EYA4: variants seen among roughly 807,000 people sequenced by gnomAD.
EYA4 encodes protein phosphatase EYA4.
Under a neutral mutation model 87.9 loss-of-function variants are expected in EYA4, and 31 were observed. The ratio of observed to expected loss-of-function variants is 0.35; its 90% CI spans 0.27 to 0.48. The LOEUF (loss-of-function observed/expected upper bound fraction) is 0.48. Ranked by LOEUF, EYA4 falls within the 20% of genes least tolerant of loss-of-function variation. The pLI is 0.99. For missense variants in EYA4, 678 were observed against 761.4 expected, an observed-to-expected ratio of 0.89 and a Z score of 1.29; for synonymous variants, 263 against 270.6, an observed-to-expected ratio of 0.97 and a Z score of 0.28.
rs778888895 is a variant in EYA4, at chr6:133,483,108, A to G, written c.1184A>G (p.Tyr395Cys). Reference sequence around the variant, plus strand: ...CTCACCGGGTCTTATGCACAGAAGTATGGCAAGGTAAGAAATCAAGAAATG... The same window carrying G: ...CTCACCGGGTCTTATGCACAGAAGTGTGGCAAGGTAAGAAATCAAGAAATG... ...SLLTGSYAQK[Y>C]GKDPPMAVTL... is the part of the protein sequence containing the mutation. Residue 395 changes from tyrosine (Y) to cysteine (C), a missense_variant, in exon 13 of 20, where the codon TAT (tyrosine) becomes TGT (cysteine). Coordinates refer to ENST00000355286, the MANE Select transcript of EYA4 (RefSeq NM_004100.5). 4 of 1,609,618 alleles carry G rather than the reference A, an allele frequency of 2.5e-6. No homozygotes were observed. Among genetic ancestry groups the G allele is most frequent in the Non-Finnish European group, 2.6e-6 (3 of 1,176,298 alleles).
intron 10 of EYA4, 48 bp downstream of exon 10, chr6:133,464,906 T>G: frequency 7.7e-7 from 1 of 1,299,374 alleles, no homozygotes; most frequent in Non-Finnish European, 1.1e-6. Context: ...TTTCAGATTT[T>G]TGAAGAGTAC....
chr6:133,531,089 A>C lies in EYA4; in HGVS notation c.*2284A>C. ...TCATATCAAACAAGCAAGGCTTTTTATGCTGCTAAGTCTGTGGGTGCAGAA... is the reference window on the plus strand; with the variant it reads ...TCATATCAAACAAGCAAGGCTTTTTCTGCTGCTAAGTCTGTGGGTGCAGAA... On this transcript the variant is annotated 3_prime_UTR_variant, in exon 20 of 20. Transcript: ENST00000355286. 2 of 1,423,254 alleles carry C rather than the reference A, an allele frequency of 1.4e-6. No homozygotes were observed. 88.2% of individuals were successfully genotyped at this position (1,423,254 alleles called of 1,614,324 possible). A position where few individuals can be genotyped will look rare whatever the true frequency, so the allele number is the denominator to read the frequency against.
At chr6:133,349,213 A>G (rs9389068) in intron 2 of EYA4, among the ~76,000 whole-genome samples, 4,669 of 152,176 alleles carry the variant, frequency 0.031, 175 homozygotes, top group East Asian at 0.2. Flanking sequence ...TTCCCTGACT[A>G]CCCATTTTAT....
chr6:133,377,229 ATTATT>A (rs1225795325), intron 2 of EYA4, among the ~76,000 whole-genome samples: 2 of 152,054 alleles, frequency 1.3e-5, no homozygotes, highest in African/African-American at 4.8e-5. Context: ...AACAGGAGAA[ATTATT>A]TTATTTAACA....
chr6:133,486,312 G>A (rs1249272849), intron 13 of EYA4, among the ~76,000 whole-genome samples: 1 of 151,856 alleles, frequency 6.6e-6, no homozygotes, highest in African/African-American at 2.4e-5. Context: ...TAATATCTTG[G>A]CATATTGAGA....
In EYA4 at chr6:133,525,865, T is replaced by C. The variant is rs563344511; in HGVS notation, c.1839+611T>C. On this transcript the variant is annotated intron_variant, in intron 19 of 19. Coordinates refer to ENST00000355286, the MANE Select transcript of EYA4 (RefSeq NM_004100.5). ...TAAGTGCTACTGAAATGGGATGTAT[T>C]GCTCAGATCCTTTTGCACCAACTTG... is the stretch of plus-strand genomic sequence containing the variant. 10 of 981,980 alleles carry C rather than the reference T, an allele frequency of 1.0e-5. No individual in the cohort carries two copies. The East Asian group carries it at 1.0e-3, about 101-fold the overall frequency. 60.8% of individuals were successfully genotyped at this position (981,980 alleles called of 1,614,324 possible).
intron 2 of EYA4, among the ~76,000 whole-genome samples, chr6:133,314,166 A>G (rs1266370819): frequency 1.3e-5 from 2 of 152,188 alleles, no homozygotes; most frequent in Admixed American, 1.3e-4. Context: ...CAAATTACTT[A>G]TGACTTCTGA....
intron 3 of EYA4, among the ~76,000 whole-genome samples, chr6:133,391,829 G>A (rs535710655): frequency 3.9e-5 from 6 of 152,088 alleles, no homozygotes; most frequent in African/African-American, 1.2e-4. Context: ...TCCCTTCCCA[G>A]GACATTTTTA....
At position 133,439,809 on chromosome 6, in the gene EYA4, ACATTGTTAGCAT is replaced by A. The variant is rs554150346; in HGVS notation, c.84-6809_84-6798del. On this transcript the variant is annotated intron_variant, in intron 3 of 19. Transcript: ENST00000355286. ...TGGCTCAAAGCCCCCACCAGGAATC[ACATTGTTAGCAT>A]CATTGTTAGCAAAGAGTATCTGGTG... Among the ~76,000 whole-genome samples the A allele has an allele frequency of 2.3e-3, 351 of 152,336 alleles. 2 individuals are homozygous for A. The highest frequency in any genetic ancestry group is 4.0e-3 in the Non-Finnish European group (273 of 68,028).
At chr6:133,416,754 A>C (rs1277906603) in intron 3 of EYA4, among the ~76,000 whole-genome samples, 6 of 152,092 alleles carry the variant, frequency 3.9e-5, no homozygotes, top group Non-Finnish European at 5.9e-5. Flanking sequence ...GTAGAACCAC[A>C]CTCCTTGATG....
intron 2 of EYA4, among the ~76,000 whole-genome samples, chr6:133,369,809 T>G (rs1413345396): frequency 6.6e-6 from 1 of 152,206 alleles, no homozygotes; most frequent in Non-Finnish European, 1.5e-5. Context: ...TTTACAACAA[T>G]GGGTTATGAA....
rs1042738234 is a variant in EYA4, at chr6:133,512,982, C to T, written c.1445C>T (p.Ala482Val). The change falls in exon 16 of 20, where the codon GCT (alanine) becomes GTT (valine). Residue 482 changes from alanine to valine, a missense_variant. Physicochemically the swap from Ala to Val is moderately conservative, Grantham distance 64. Coordinates refer to ENST00000355286, the MANE Select transcript of EYA4 (RefSeq NM_004100.5). ...GGGGTTGACTGGATGAGGAAGTTGG[C>T]TTTTCGTTACAGAAGAGTAAAAGAA... ...RGGVDWMRKL[A>V]FRYRRVKELY... 9 of 1,613,970 alleles carry T rather than the reference C, an allele frequency of 5.6e-6. No homozygotes were observed. The African/African-American group carries it at 6.7e-5, about 12-fold the overall frequency.
At chr6:133,392,280 C>T (rs1234780563) in intron 3 of EYA4, among the ~76,000 whole-genome samples, 2 of 152,102 alleles carry the variant, frequency 1.3e-5, no homozygotes, top group East Asian at 3.9e-4. Context: ...AATTGTCTGA[C>T]TAATGCCCTC....
intron 13 of EYA4, among the ~76,000 whole-genome samples, chr6:133,494,936 A>G (rs987904589): frequency 6.6e-6 from 1 of 152,162 alleles, no homozygotes; most frequent in Non-Finnish European, 1.5e-5. Context: ...TACCCCATTT[A>G]CCCTGATGTG....
intron 2 of EYA4, among the ~76,000 whole-genome samples, chr6:133,278,300 C>T (rs898818091): frequency 6.6e-6 from 1 of 152,166 alleles, no homozygotes; most frequent in Admixed American, 6.5e-5. Flanking sequence ...TCTTCTCACC[C>T]AATCAGCCCT....
At chr6:133,515,853 T>C (rs1056029003) in intron 17 of EYA4, among the ~76,000 whole-genome samples, 2 of 152,142 alleles carry the variant, frequency 1.3e-5, no homozygotes, top group African/African-American at 2.4e-5. Flanking sequence ...CAAAAAGGCA[T>C]GTTTTAGGTG....
At chr6:133,369,701 C>T (rs948911550) in intron 2 of EYA4, among the ~76,000 whole-genome samples, 3 of 152,052 alleles carry the variant, frequency 2.0e-5, no homozygotes, top group Admixed American at 6.6e-5. Flanking sequence ...TATTAACTTG[C>T]CATAAAGTGT....
At chr6:133,299,933 ATC>A (rs1330406533) in intron 2 of EYA4, among the ~76,000 whole-genome samples, 7 of 81,196 alleles carry the variant, frequency 8.6e-5, no homozygotes, top group Admixed American at 4.5e-4. Flanking sequence ...ATCTCTATCT[ATC>A]TATCTATCTA....
At chr6:133,434,123 A>T (rs1042836212) in intron 3 of EYA4, among the ~76,000 whole-genome samples, 4 of 152,190 alleles carry the variant, frequency 2.6e-5, no homozygotes, top group Non-Finnish European at 4.4e-5. Flanking sequence ...AGAGTTTGAG[A>T]TGGACTGAGT....
Sources: allele counts gnomAD v4.1 joint callset (sites outside exome capture counted in the v4.1 genomes callset), GRCh38; gene constraint gnomAD v4.1.1; transcripts MANE v1.5; gene names NCBI Gene and HGNC (gene_info 2026-07-23, HGNC 2026-07-21).